Variants in HVCN1 observed in about 807,000 individuals in gnomAD.
The protein encoded by HVCN1 is voltage-gated hydrogen channel 1.
Under a neutral mutation model 29.2 loss-of-function variants are expected in HVCN1, and 14 were observed. The ratio of observed to expected loss-of-function variants is 0.48; its 90% CI spans 0.32 to 0.75. The LOEUF is 0.75. Ranked by LOEUF, HVCN1 falls within the 30% of genes least tolerant of loss-of-function variation. The pLI, the probability that HVCN1 is intolerant of heterozygous loss-of-function variation, is 0.04. For synonymous variants in HVCN1, 131 were observed against 133.2 expected, an observed-to-expected ratio of 0.98 and a Z score of 0.11; for missense variants, 263 against 341.8, an observed-to-expected ratio of 0.77 and a Z score of 1.82.
intron 2 of HVCN1, among the ~76,000 whole-genome samples, chr12:110,700,497 C>A (rs966665320): frequency 6.6e-6 from 1 of 152,090 alleles, no homozygotes; most frequent in African/African-American, 2.4e-5. Flanking sequence ...CCGCTTATCT[C>A]GGGGTGGCAT....
chr12:110,692,072 C>T (rs2069415941), upstream of HVCN1, among the ~76,000 whole-genome samples: 1 of 152,156 alleles, frequency 6.6e-6, no homozygotes, highest in African/African-American at 2.4e-5. Flanking sequence ...ACTGTTATCC[C>T]CAGGCACAGG....
intron 2 of HVCN1, among the ~76,000 whole-genome samples, chr12:110,684,116 G>A (rs2069093871): frequency 6.6e-6 from 1 of 152,010 alleles, no homozygotes; most frequent in Non-Finnish European, 1.5e-5. Context: ...CAGGGGCTGG[G>A]GACAGGGAAG....
chr12:110,701,955 T>C (rs574654847), intron 2 of HVCN1, among the ~76,000 whole-genome samples: 53 of 151,298 alleles, frequency 3.5e-4, no homozygotes, highest in Admixed American at 1.5e-3. Flanking sequence ...CTTTTTTCTT[T>C]TTTTTTTGAG....
intron 3 of HVCN1, among the ~76,000 whole-genome samples, chr12:110,670,018 C>T (rs936895147): frequency 6.6e-6 from 1 of 151,834 alleles, no homozygotes; most frequent in Non-Finnish European, 1.5e-5. Context: ...AGCGAGACTC[C>T]ATCTCAAAAA....
intron 1 of HVCN1, among the ~76,000 whole-genome samples, chr12:110,703,624 T>C (rs1312512293): frequency 6.6e-6 from 1 of 152,110 alleles, no homozygotes. Context: ...TTGATTCTTT[T>C]TCAGAGTTAA....
At chr12:110,683,966 T>G (rs2069089528) in intron 2 of HVCN1, among the ~76,000 whole-genome samples, 2 of 149,718 alleles carry the variant, frequency 1.3e-5, no homozygotes, top group African/African-American at 2.5e-5. Flanking sequence ...TTGATACTTA[T>G]TACAATGTAG....
chr12:110,694,392 C>T (rs1399094371), upstream of HVCN1, among the ~76,000 whole-genome samples: 1 of 152,210 alleles, frequency 6.6e-6, no homozygotes, highest in Non-Finnish European at 1.5e-5. The surrounding 1 kb of genome is among the most constrained non-coding windows in gnomAD (Gnocchi z 4.6). Flanking sequence ...GATCTGAGTA[C>T]AGCCCTGGGG....
intron 2 of HVCN1, among the ~76,000 whole-genome samples, chr12:110,696,806 T>C (rs770967617): frequency 1.3e-5 from 2 of 152,172 alleles, no homozygotes; most frequent in Non-Finnish European, 2.9e-5. Context: ...CTACCACATG[T>C]TGCTTATCCT....
At chr12:110,692,693 C>T (rs2069428898), upstream of HVCN1, among the ~76,000 whole-genome samples, 1 of 152,064 alleles carries the variant, frequency 6.6e-6, no homozygotes, top group East Asian at 1.9e-4. Context: ...CACAGCACTC[C>T]AGCCTGGGTG....
intron 3 of HVCN1, among the ~76,000 whole-genome samples, chr12:110,662,587 C>T (rs1234380047): frequency 1.3e-5 from 2 of 152,186 alleles, no homozygotes; most frequent in African/African-American, 2.4e-5. Context: ...TGCCTGTAAT[C>T]CCAGCTACTC....
chr12:110,667,178 A>T (rs1280358872), intron 3 of HVCN1, among the ~76,000 whole-genome samples: 3 of 152,158 alleles, frequency 2.0e-5, no homozygotes, highest in Non-Finnish European at 2.9e-5. Context: ...CTTGCTCCCC[A>T]TGCTGGAGTG....
At chr12:110,689,881 A>G (rs534089372), upstream of HVCN1, 1 of 152,468 alleles carries the variant, frequency 6.6e-6, no homozygotes, top group Admixed American at 6.5e-5. The surrounding 1 kb of genome is among the most constrained non-coding windows in gnomAD (Gnocchi z 5.7). Flanking sequence ...GTCTTCCCCC[A>G]GAGACCATTT....
chr12:110,695,654 G>A (rs2136505981), intron 2 of HVCN1, among the ~76,000 whole-genome samples: 1 of 152,344 alleles, frequency 6.6e-6, no homozygotes, highest in South Asian at 2.1e-4. Flanking sequence ...AGGACAGCAG[G>A]GAAGGGGTCT....
intron 4 of HVCN1, 104 bp from the exon 5 acceptor site, chr12:110,655,442 G>A (rs1288463700): frequency 3.7e-6 from 3 of 820,814 alleles, no homozygotes; most frequent in East Asian, 2.6e-5. Flanking sequence ...AAACCACTGG[G>A]CAAAGCCATT....
intron 6 of HVCN1, 108 bp downstream of exon 6, chr12:110,651,109 C>G (rs934972701): frequency 1.1e-5 from 8 of 755,340 alleles, no homozygotes; most frequent in African/African-American, 5.2e-5. Context: ...GCCTCCATAA[C>G]AGGAGCCACT....
intron 7 of HVCN1, among the ~76,000 whole-genome samples, chr12:110,649,930 C>G (rs937557906): frequency 1.3e-5 from 2 of 152,316 alleles, no homozygotes; most frequent in Middle Eastern, 3.4e-3. Flanking sequence ...ACCACAACCT[C>G]CACCTCCCGG....
chr12:110,701,883 A>AAACAACAACAAC (rs376581552), intron 2 of HVCN1, among the ~76,000 whole-genome samples: 41 of 149,686 alleles, frequency 2.7e-4, no homozygotes, highest in African/African-American at 9.4e-4. Flanking sequence ...AACAAGAACA[A>AAACAACAACAAC]AACAACAACA....
chr12:110,648,938 C>A lies in HVCN1; in HGVS notation c.*472G>T, dbSNP rs920208721. On this transcript the variant is annotated 3_prime_UTR_variant, in exon 8 of 8. Coordinates refer to ENST00000242607, the MANE Select transcript of HVCN1 (RefSeq NM_032369.4). ...GGCACACAGAGGAGGGGCCTGGGTACCCCTTTTGGGGAAACTGAGACGAAG... is the reference window on the plus strand; with the variant it reads ...GGCACACAGAGGAGGGGCCTGGGTAACCCTTTTGGGGAAACTGAGACGAAG... 10 of 422,854 alleles carry A rather than the reference C, an allele frequency of 2.4e-5. No homozygotes were observed. The highest frequency in any genetic ancestry group is 2.1e-4 in the African/African-American group (10 of 47,506). The allele number at this position is 422,854 out of a possible 1,614,324, so 26.2% of individuals were successfully genotyped here.
chr12:110,671,532 A>T (rs2068577343), intron 3 of HVCN1, among the ~76,000 whole-genome samples: 1 of 152,136 alleles, frequency 6.6e-6, no homozygotes, highest in Non-Finnish European at 1.5e-5. Flanking sequence ...ACTGGTGAGA[A>T]TGAGTTCCTG....
Sources: gnomAD v4.1 joint callset for allele counts (sites outside exome capture counted in the v4.1 genomes callset) on GRCh38, gnomAD v4.1.1 for gene constraint, Gnocchi (gnomAD v3.1) non-coding constraint, MANE v1.5 for transcripts, NCBI Gene and HGNC (gene_info 2026-07-23, HGNC 2026-07-21) for gene names.